Variants in ZNF83 observed in about 807,000 individuals in gnomAD.
ZNF83 encodes zinc finger protein 816B.
For missense variants in ZNF83, 552 were observed against 629.9 expected (o/e 0.88, Z 1.32); for synonymous variants, 209 against 213.0 (o/e 0.98, Z 0.17).
At chr19:52,683,226 CTCTGTGTGTG>C (rs1340522181) in intron 1 of ZNF83, among the ~76,000 whole-genome samples, 12,094 of 135,600 alleles carry the variant, frequency 0.089, 582 homozygotes, top group African/African-American at 0.14. Flanking sequence ...TGCCCTGTGA[CTCTGTGTGTG>C]TGTGTGTGTG....
At chr19:52,654,492 G>T in intron 3 of ZNF83, 1 of 523,746 alleles carries the variant, frequency 1.9e-6, no homozygotes, top group Non-Finnish European at 3.2e-6. Flanking sequence ...TACACAAAAA[G>T]CAATACTTAT....
At chr19:52,684,795 GA>G (rs998851711) in intron 1 of ZNF83, among the ~76,000 whole-genome samples, 115 of 151,000 alleles carry the variant, frequency 7.6e-4, no homozygotes, top group African/African-American at 2.4e-3. Context: ...TGGTGTTTGG[GA>G]AAAAAAAAAT....
intron 3 of ZNF83, chr19:52,652,607 A>G (rs1478862216): frequency 2.3e-6 from 1 of 443,448 alleles, no homozygotes; most frequent in Non-Finnish European, 4.5e-6. Context: ...AGCTATGAAC[A>G]ATGTCTGAAA....
chr19:52,668,114 G>A (rs1398402135), intron 1 of ZNF83, among the ~76,000 whole-genome samples: 6 of 151,336 alleles, frequency 4.0e-5, no homozygotes, highest in Non-Finnish European at 8.9e-5. Flanking sequence ...TAAAACAAGA[G>A]TCTCTCAGCA....
chr19:52,685,875 G>A lies in ZNF83; in HGVS notation c.-283+4568C>T, dbSNP rs183826200. ...ATGGCACCATTGCACTTCCAGCCTG[G>A]GGAACAAGAGTGTAACTGTCACAAA... On this transcript the variant is annotated intron_variant, in intron 1 of 5. Transcript: ENST00000594682. Among the ~76,000 whole-genome samples the A allele has an allele frequency of 8.3e-4, 122 of 146,880 alleles. 1 individual carries two copies. The highest frequency in any genetic ancestry group is 1.5e-3 in the Non-Finnish European group (102 of 67,224).
At chr19:52,669,986 A>T (rs1320113920) in intron 1 of ZNF83, among the ~76,000 whole-genome samples, 5 of 152,236 alleles carry the variant, frequency 3.3e-5, no homozygotes, top group Non-Finnish European at 7.3e-5. Flanking sequence ...GTTAGATATG[A>T]GTTCTAAATT....
rs1409750981 is a variant in ZNF83, at chr19:52,666,597, C to T, written c.-282-5754G>A. Among the ~76,000 whole-genome samples the T allele has an allele frequency of 1.3e-4, 14 of 107,688 alleles. No individual in the cohort carries two copies. The Admixed American group carries it at 1.7e-3, about 13-fold the overall frequency. The allele number at this position is 107,688 out of a possible 152,430, so 70.6% of individuals were successfully genotyped here. ...AAACCTCATTGTGAGCACACCTCAT[C>T]AAGGAAGAACTATCCTAAGTCAAAA... On this transcript the variant is annotated intron_variant, in intron 1 of 5. Transcript: ENST00000594682.
At chr19:52,688,389 G>T (rs1044681883) in intron 1 of ZNF83, among the ~76,000 whole-genome samples, 1 of 151,168 alleles carries the variant, frequency 6.6e-6, no homozygotes, top group African/African-American at 2.4e-5. Flanking sequence ...GTGCAGGCTG[G>T]TCTAGAACTC....
At chr19:52,668,934 C>G (rs1236696060) in intron 1 of ZNF83, among the ~76,000 whole-genome samples, 1 of 152,186 alleles carries the variant, frequency 6.6e-6, no homozygotes, top group Non-Finnish European at 1.5e-5. Flanking sequence ...GGTCAGCCCT[C>G]CAGGGCCATC....
rs1491575107 is a variant in ZNF83 at position 52,683,225 on chromosome 19, ACT to A, written c.-283+7216_-283+7217del. 5.6e-4 allele frequency among the ~76,000 whole-genome samples: 56 copies of A among 99,854 alleles called. 1 individual carries two copies. Among genetic ancestry groups the A allele is most frequent in the South Asian group, 1.3e-3 (4 of 2,984 alleles). The allele number at this position is 99,854 out of a possible 152,430, so 65.5% of individuals were successfully genotyped here. A position where few individuals can be genotyped will look rare whatever the true frequency, so the allele number is the denominator to read the frequency against. ...TCCTCAGCTCCTCAGCTGCCCTGTGACTCTGTGTGTGTGTGTGTGTGTGTGTG... is the reference window on the plus strand; with the variant it reads ...TCCTCAGCTCCTCAGCTGCCCTGTGACTGTGTGTGTGTGTGTGTGTGTGTG... On this transcript the variant is annotated intron_variant, in intron 1 of 5. Coordinates refer to the ZNF83 transcript ENST00000594682.
At chr19:52,636,499 T>C (rs1282274483) in intron 1 of ZNF83, 2 of 152,184 alleles carry the variant, frequency 1.3e-5, no homozygotes, top group East Asian at 1.9e-4. Context: ...CCAACATTCA[T>C]AGAATGTACA....
In ZNF83 at chr19:52,614,209, G is replaced by A. The variant is rs329940; in HGVS notation, c.356C>T (p.Thr119Met). ...GCCACATATATCACATTTAAATTGC[G>A]TCTCTTTAGTATGGATTATTTGATG... is the stretch of plus-strand genomic sequence containing the variant. The change falls in exon 3 of 3, where the codon ACG (threonine) becomes ATG (methionine). Residue 119 changes from threonine (T) to methionine (M), a missense_variant. Transcript: ENST00000301096. 1.8e-3 allele frequency: 2,830 copies of A among 1,613,962 alleles called. 40 individuals are homozygous for A. In the African/African-American group the frequency reaches 0.032, roughly 18 times the overall value.
chr19:52,654,483 A>G, intron 3 of ZNF83: 1 of 570,836 alleles, frequency 1.8e-6, no homozygotes, highest in Non-Finnish European at 2.9e-6. Context: ...TGTTAATATT[A>G]CACAAAAAGC....
chr19:52,612,645 A>T (rs1387500563), exon 3 of ZNF83: 1 of 214,778 alleles, frequency 4.7e-6, no homozygotes, highest in East Asian at 1.2e-4. Flanking sequence ...GGATTCTCTG[A>T]TGTTGATGAA....
At chr19:52,687,569 A>G (rs1372144289) in intron 1 of ZNF83, among the ~76,000 whole-genome samples, 2 of 59,408 alleles carry the variant, frequency 3.4e-5, no homozygotes, top group African/African-American at 1.3e-4. Context: ...TTTTATATAT[A>G]TATAAATTTT....
chr19:52,687,388 T>G lies in ZNF83; in HGVS notation c.-283+3055A>C, dbSNP rs1428619048. Among the ~76,000 whole-genome samples the G allele has an allele frequency of 3.3e-5, 2 of 60,610 alleles. 1 individual carries two copies. The highest frequency in any genetic ancestry group is 3.2e-4 in the Admixed American group (2 of 6,328). 39.8% of individuals were successfully genotyped at this position (60,610 alleles called of 152,430 possible). Reference sequence around the variant, plus strand: ...TATAATATAAATTATAATTTATATATATATAATTTATATAGCTATATAAAT... The same window carrying G: ...TATAATATAAATTATAATTTATATAGATATAATTTATATAGCTATATAAAT... On this transcript the variant is annotated intron_variant, in intron 1 of 5. Coordinates refer to the ZNF83 transcript ENST00000594682.
intron 2 of ZNF83, chr19:52,617,060 C>A (rs1323727785): frequency 6.6e-6 from 1 of 152,024 alleles, no homozygotes; most frequent in Non-Finnish European, 1.5e-5. Context: ...GGAGGGAGAA[C>A]ATTGGGAAAG....
chr19:52,644,784 G>A (rs2061351378), intron 3 of ZNF83, among the ~76,000 whole-genome samples: 1 of 152,042 alleles, frequency 6.6e-6, no homozygotes, highest in Non-Finnish European at 1.5e-5. Flanking sequence ...GGAGGTCGAG[G>A]CAGGTGGAGG....
chr19:52,628,094 ACT>A (rs1021164459), intron 2 of ZNF83, among the ~76,000 whole-genome samples: 4 of 151,124 alleles, frequency 2.6e-5, no homozygotes, highest in East Asian at 1.9e-4. Flanking sequence ...ATCTCCCTTT[ACT>A]CTCTTTTTGG....
Sources: gnomAD v4.1 joint callset for allele counts (sites outside exome capture counted in the v4.1 genomes callset) on GRCh38, gnomAD v4.1.1 for gene constraint, MANE v1.5 for transcripts, NCBI Gene and HGNC (gene_info 2026-07-23, HGNC 2026-07-21) for gene names.